Variants in DLGAP4 observed in about 807,000 individuals in gnomAD.
DLGAP4 encodes the protein disks large-associated protein 4.
DLGAP4 carries 18 observed loss-of-function variants against 86.9 expected under a neutral mutation model. The ratio of observed to expected loss-of-function variants is 0.21; its 90% CI spans 0.14 to 0.31. The LOEUF (loss-of-function observed/expected upper bound fraction) is 0.31, where lower values mean the gene tolerates loss of function less well. Among genes scored for constraint, DLGAP4 ranks in the 10% least tolerant of loss-of-function variants. The pLI is 1.00. For missense variants in DLGAP4, 1,085 were observed against 1,362.6 expected (o/e 0.80, Z 3.21); for synonymous variants, 548 against 574.3 (o/e 0.95, Z 0.65).
At chr20:36,461,922 G>T (rs1569506888) in intron 7 of DLGAP4, 39 of 984,486 alleles carry the variant, frequency 4.0e-5, no homozygotes, top group Non-Finnish European at 4.3e-5. Flanking sequence ...TTCTCAGAGC[G>T]CTCTTCAGCC....
At position 36,431,828 on chromosome 20, in the gene DLGAP4, G is replaced by A. The variant is rs561937686; in HGVS notation, c.111G>A (p.Thr37=). 281 of 1,613,784 alleles carry A rather than the reference G, an allele frequency of 1.7e-4. No homozygotes were observed. Among genetic ancestry groups the A allele is most frequent in the Middle Eastern group, 3.3e-4 (2 of 6,062 alleles). ...GCAACCCCTACCTGCTGTCGCCCACGGAGGCCTTCGCCCGCGAGGCCCGCT... is the reference window on the plus strand; with the variant it reads ...GCAACCCCTACCTGCTGTCGCCCACAGAGGCCTTCGCCCGCGAGGCCCGCT... ...TDRNPYLLSP[T]EAFAREARFP... is the part of the protein sequence containing the mutation. Residue 37 remains threonine (T), a synonymous_variant, in exon 3 of 13, where the codon ACG becomes ACA. Coordinates refer to ENST00000339266, the MANE Select transcript of DLGAP4 (RefSeq NM_001365621.2). The surrounding 1 kb of genome is among the most constrained non-coding windows in gnomAD (Gnocchi z 5.1).
intron 1 of DLGAP4, among the ~76,000 whole-genome samples, chr20:36,335,511 G>A (rs1219922190): frequency 6.6e-6 from 1 of 152,170 alleles, no homozygotes; most frequent in African/African-American, 2.4e-5. Context: ...CAATAAATGG[G>A]GGTCATGTTA....
At chr20:36,436,996 T>C (rs2033305451) in intron 4 of DLGAP4, among the ~76,000 whole-genome samples, 1 of 152,124 alleles carries the variant, frequency 6.6e-6, no homozygotes, top group Non-Finnish European at 1.5e-5. Context: ...TGAACCCCTC[T>C]TAGTTCTGCC....
At chr20:36,465,658 G>A (rs2034317970) in intron 7 of DLGAP4, among the ~76,000 whole-genome samples, 1 of 152,134 alleles carries the variant, frequency 6.6e-6, no homozygotes, top group Non-Finnish European at 1.5e-5. Flanking sequence ...CACCTCCCGT[G>A]GCTTTCTCAT....
At chr20:36,459,207 AC>A (rs1213261305) in intron 7 of DLGAP4, among the ~76,000 whole-genome samples, 1 of 152,048 alleles carries the variant, frequency 6.6e-6, no homozygotes, top group Non-Finnish European at 1.5e-5. Context: ...TAGGGGAAGG[AC>A]CCAGTACTGG....
At chr20:36,468,620 C>G (rs1469635153) in intron 7 of DLGAP4, among the ~76,000 whole-genome samples, 2 of 152,256 alleles carry the variant, frequency 1.3e-5, no homozygotes, top group African/African-American at 4.8e-5. Context: ...TCCAGGTGCC[C>G]CTCACCCTGC....
intron 6 of DLGAP4, among the ~76,000 whole-genome samples, chr20:36,444,636 T>C (rs1220258392): frequency 6.6e-6 from 1 of 151,812 alleles, no homozygotes; most frequent in Non-Finnish European, 1.5e-5. Flanking sequence ...TTATTTAATT[T>C]TAATCAAAAA....
At chr20:36,414,658 T>C (rs1372317505) in intron 2 of DLGAP4, among the ~76,000 whole-genome samples, 1 of 151,892 alleles carries the variant, frequency 6.6e-6, no homozygotes, top group Non-Finnish European at 1.5e-5. Context: ...ACATGAGAGG[T>C]TTGGTGCTGG....
chr20:36,311,800 A>T (rs1284534768), intron 1 of DLGAP4, among the ~76,000 whole-genome samples: 1 of 152,172 alleles, frequency 6.6e-6, no homozygotes, highest in Non-Finnish European at 1.5e-5. Flanking sequence ...CTCCCTCCCC[A>T]TGACAGAGGC....
At chr20:36,339,280 G>T (rs2065353450) in intron 1 of DLGAP4, among the ~76,000 whole-genome samples, 1 of 152,266 alleles carries the variant, frequency 6.6e-6, no homozygotes, top group East Asian at 1.9e-4. Context: ...TAGAGACGGG[G>T]TTTCACCATG....
intron 2 of DLGAP4, among the ~76,000 whole-genome samples, chr20:36,423,967 A>AG (rs920646817): frequency 3.3e-5 from 5 of 152,052 alleles, no homozygotes; most frequent in African/African-American, 7.2e-5. Flanking sequence ...CTAAAAAAAA[A>AG]CCGAAAACGG....
At position 36,500,873 on chromosome 20, in the gene DLGAP4, G is replaced by GC. The variant is rs2036114938; in HGVS notation, c.2512+263dup. On this transcript the variant is annotated intron_variant, in intron 10 of 12. Coordinates refer to ENST00000339266, the MANE Select transcript of DLGAP4 (RefSeq NM_001365621.2). This position sits in a 1 kb window ranked among gnomAD's most constrained non-coding sequence, Gnocchi z 4.6. Reference sequence around the variant, plus strand: ...CACCCACACCTGGGTTTGAATCCCAGCTCCTCCCTTACTAGTGAAGTAACC... The same window carrying GC: ...CACCCACACCTGGGTTTGAATCCCAGCCTCCTCCCTTACTAGTGAAGTAACC... Among the ~76,000 whole-genome samples, 1 of 152,052 alleles carries GC rather than the reference G, an allele frequency of 6.6e-6. No individual in the cohort carries two copies. The highest frequency in any genetic ancestry group is 2.1e-4 in the South Asian group (1 of 4,824).
intron 2 of DLGAP4, among the ~76,000 whole-genome samples, chr20:36,409,948 G>A (rs2032448578): frequency 6.7e-6 from 1 of 150,034 alleles, no homozygotes; most frequent in African/African-American, 2.5e-5. Context: ...GCAGGAGAAT[G>A]GCATGAACCC....
rs1569523131 is a variant in DLGAP4 at position 36,508,419 on chromosome 20, G to GTTTTTTTTTTTTTTTTTTTTTT, written c.2512+7810_2512+7811insTTTTTTTTTTTTTTTTTTTTTT. On this transcript the variant is annotated intron_variant, in intron 10 of 12. Coordinates refer to ENST00000339266, the MANE Select transcript of DLGAP4 (RefSeq NM_001365621.2). ...ACCATTTTCCTACTGATGTTTCAGG[G>GTTTTTTTTTTTTTTTTTTTTTT]TTCTTTTTTTTTTTTTTTTTTTTTT... The GTTTTTTTTTTTTTTTTTTTTTT allele has an allele frequency of 5.2e-5, 7 of 134,602 alleles. 2 individuals are homozygous for GTTTTTTTTTTTTTTTTTTTTTT. Among genetic ancestry groups the GTTTTTTTTTTTTTTTTTTTTTT allele is most frequent in the African/African-American group, 1.8e-4 (6 of 33,594 alleles). 8.3% of individuals were successfully genotyped at this position (134,602 alleles called of 1,614,324 possible).
intron 1 of DLGAP4, among the ~76,000 whole-genome samples, chr20:36,321,534 A>G (rs1215998143): frequency 6.6e-6 from 1 of 152,242 alleles, no homozygotes; most frequent in Non-Finnish European, 1.5e-5. Flanking sequence ...CCTGGTGGGA[A>G]TCAGAAATAG....
intron 7 of DLGAP4, chr20:36,462,659 G>A: frequency 6.5e-7 from 1 of 1,547,596 alleles, no homozygotes; most frequent in Admixed American, 2.2e-5. Context: ...CGCGGCCGAG[G>A]CTCCATGGGG....
intron 7 of DLGAP4, among the ~76,000 whole-genome samples, chr20:36,480,897 T>C (rs548134753): frequency 2.0e-5 from 3 of 152,210 alleles, no homozygotes; most frequent in South Asian, 2.1e-4. Flanking sequence ...TTCCAGTTAC[T>C]TGGGAGGCTG....
In DLGAP4 at chr20:36,432,493, A is replaced by G; in HGVS notation, c.776A>G (p.Asn259Ser). 6.2e-7 allele frequency: 1 copy of G among 1,613,222 alleles called. No individual in the cohort carries two copies. The highest frequency in any genetic ancestry group is 8.5e-7 in the Non-Finnish European group (1 of 1,179,938). ...GGGCACATGCTCAAAACCACCAAGA[A>G]CAACACTACTGAGCTGACTGCCCCA... is the stretch of plus-strand genomic sequence containing the variant. ...ISGHMLKTTK[N>S]NTTELTAPPP... The change falls in exon 3 of 13, where the codon AAC (asparagine) becomes AGC (serine). Residue 259 changes from asparagine (N) to serine (S), a missense_variant. Transcript: ENST00000339266. This position sits in a 1 kb window ranked among gnomAD's most constrained non-coding sequence, Gnocchi z 6.5.
At chr20:36,357,911 C>T (rs1408412026) in intron 1 of DLGAP4, among the ~76,000 whole-genome samples, 1 of 152,192 alleles carries the variant, frequency 6.6e-6, no homozygotes, top group East Asian at 1.9e-4. Context: ...AAGACTAGCC[C>T]TTTGGAGGGC....
Sources: gnomAD v4.1 joint callset for allele counts (sites outside exome capture counted in the v4.1 genomes callset) on GRCh38, gnomAD v4.1.1 for gene constraint, Gnocchi (gnomAD v3.1) non-coding constraint, MANE v1.5 for transcripts, NCBI Gene and HGNC (gene_info 2026-07-23, HGNC 2026-07-21) for gene names.